MEOX2: variants seen among roughly 807,000 people sequenced by gnomAD.
MEOX2 encodes homeobox protein MOX-2.
A neutral mutation model predicts 27.0 loss-of-function variants in MEOX2; 11 were observed. That is an observed-to-expected ratio of 0.41 (90% confidence interval 0.26 to 0.68). The LOEUF (loss-of-function observed/expected upper bound fraction) is 0.68, where lower values mean the gene tolerates loss of function less well. MEOX2 is among the 30% of genes least tolerant of loss of function. The probability of loss-of-function intolerance (pLI) is 0.33; values close to 1 mark genes in which losing one functional copy is unlikely to be tolerated. For synonymous variants in MEOX2, 189 were observed against 155.4 expected (o/e 1.22, Z -1.61); for missense variants, 436 against 385.4 (o/e 1.13, Z -1.10).
chr7:15,685,569 A>C (rs766850316), intron 1 of MEOX2, among the ~76,000 whole-genome samples: 27 of 152,066 alleles, frequency 1.8e-4, no homozygotes, highest in Non-Finnish European at 3.4e-4. Flanking sequence ...CTCCCTCCCC[A>C]GCGCTGGGAT....
At chr7:15,623,934 A>T (rs977575210) in intron 2 of MEOX2, among the ~76,000 whole-genome samples, 1 of 152,250 alleles carries the variant, frequency 6.6e-6, no homozygotes, top group African/African-American at 2.4e-5. Flanking sequence ...TATTTGTGTT[A>T]CAAAATGATT....
At position 15,639,483 on chromosome 7, in the gene MEOX2, T is replaced by A. The variant is rs934733503; in HGVS notation, c.518-12565A>T. 3.3e-5 allele frequency among the ~76,000 whole-genome samples: 5 copies of A among 152,210 alleles called. No homozygotes were observed. The South Asian group carries it at 1.0e-3, about 32-fold the overall frequency. ...GCTGTGCAGAAGCTCTTTAGTTTAA[T>A]AAGTCCCATTTGTCTGCTTTTGTTT... On this transcript the variant is annotated intron_variant, in intron 1 of 2. Transcript: ENST00000262041.
chr7:15,630,213 T>A (rs963234276), intron 1 of MEOX2, among the ~76,000 whole-genome samples: 3 of 152,078 alleles, frequency 2.0e-5, no homozygotes, highest in Non-Finnish European at 4.4e-5. Context: ...TTCCCTAACC[T>A]TTTGCTCCCT....
At chr7:15,665,050 C>G (rs1468308587) in intron 1 of MEOX2, among the ~76,000 whole-genome samples, 2 of 94,636 alleles carry the variant, frequency 2.1e-5, no homozygotes, top group African/African-American at 5.9e-5. Context: ...ATCACACACA[C>G]ACACACACAC....
In MEOX2 at chr7:15,639,699, G is replaced by T. The variant is rs1007884262; in HGVS notation, c.518-12781C>A. 7.0e-4 allele frequency among the ~76,000 whole-genome samples: 106 copies of T among 151,866 alleles called. 1 individual carries two copies. Among genetic ancestry groups the T allele is most frequent in the African/African-American group, 2.3e-3 (96 of 41,364 alleles). On this transcript the variant is annotated intron_variant, in intron 1 of 2. Coordinates refer to ENST00000262041, the MANE Select transcript of MEOX2 (RefSeq NM_005924.5). ...CTGCATGTAGCTAGCCAGTTTTCCCGGAACCATTTATTAAAAACGGTGTCT... is the reference window on the plus strand; with the variant it reads ...CTGCATGTAGCTAGCCAGTTTTCCCTGAACCATTTATTAAAAACGGTGTCT...
intron 1 of MEOX2, among the ~76,000 whole-genome samples, chr7:15,666,563 G>A (rs1444558369): frequency 4.6e-5 from 7 of 150,996 alleles, no homozygotes; most frequent in African/African-American, 1.5e-4. Flanking sequence ...ACCAGCCTGG[G>A]CAACACGGTG....
rs766111487 is a variant in MEOX2, at chr7:15,686,416, C to T, written c.-14G>A. 4 of 1,556,636 alleles carry T rather than the reference C, an allele frequency of 2.6e-6. No individual in the cohort carries two copies. Among genetic ancestry groups the T allele is most frequent in the Middle Eastern group, 1.7e-4 (1 of 5,978 alleles). On this transcript the variant is annotated 5_prime_UTR_variant, in exon 1 of 3. Transcript: ENST00000262041. ...CGGGTGTTCCATAGCATGCAAGTTTCGGGTTCCAGGCAGAAGACTTCACGG... is the reference window on the plus strand; with the variant it reads ...CGGGTGTTCCATAGCATGCAAGTTTTGGGTTCCAGGCAGAAGACTTCACGG...
At chr7:15,672,167 A>C (rs1394192795) in intron 1 of MEOX2, among the ~76,000 whole-genome samples, 1 of 152,182 alleles carries the variant, frequency 6.6e-6, no homozygotes, top group African/African-American at 2.4e-5. Context: ...TTATTTTCAA[A>C]TCACCAACTA....
At chr7:15,643,041 A>G (rs1232280979) in intron 1 of MEOX2, among the ~76,000 whole-genome samples, 1 of 152,152 alleles carries the variant, frequency 6.6e-6, no homozygotes, top group African/African-American at 2.4e-5. Flanking sequence ...AGTTCTGTCA[A>G]CAATTATATT....
intron 1 of MEOX2, among the ~76,000 whole-genome samples, chr7:15,665,167 C>A (rs886891009): frequency 3.3e-5 from 5 of 151,622 alleles, no homozygotes; most frequent in Admixed American, 6.6e-5. Flanking sequence ...TTTTGGCAAA[C>A]CAGAGCCATG....
intron 1 of MEOX2, among the ~76,000 whole-genome samples, chr7:15,630,638 T>A (rs2115363208): frequency 6.6e-6 from 1 of 152,166 alleles, no homozygotes; most frequent in South Asian, 2.1e-4. Flanking sequence ...TTGCTGTAAC[T>A]TTTGTATCAA....
At chr7:15,616,443 A>AC (rs1781124487) in intron 2 of MEOX2, among the ~76,000 whole-genome samples, 2 of 151,658 alleles carry the variant, frequency 1.3e-5, no homozygotes, top group Non-Finnish European at 3.0e-5. Context: ...GGTATTAGCA[A>AC]TCCCCCCAAC....
intron 1 of MEOX2, among the ~76,000 whole-genome samples, chr7:15,671,740 A>AT (rs1374365091): frequency 6.6e-6 from 1 of 152,066 alleles, no homozygotes; most frequent in Non-Finnish European, 1.5e-5. Context: ...CATAAAGGAG[A>AT]TTTTTCATTT....
intron 1 of MEOX2, among the ~76,000 whole-genome samples, chr7:15,628,402 C>CTTGGCAA (rs1781348971): frequency 6.6e-6 from 1 of 151,880 alleles, no homozygotes; most frequent in African/African-American, 2.4e-5. Context: ...TGCCTCAACA[C>CTTGGCAA]CTTGGCACAC....
At chr7:15,639,644 A>G (rs919419475) in intron 1 of MEOX2, among the ~76,000 whole-genome samples, 1 of 151,990 alleles carries the variant, frequency 6.6e-6, no homozygotes, top group East Asian at 1.9e-4. Context: ...TTTTGTATAT[A>G]GTGAGAGATA....
intron 1 of MEOX2, chr7:15,680,498 G>T (rs1782275915): frequency 6.6e-6 from 1 of 151,870 alleles, no homozygotes; most frequent in Non-Finnish European, 1.5e-5. Context: ...TTTCTCCAAT[G>T]GGATTTTGAA....
At chr7:15,623,879 A>G (rs1021838096) in intron 2 of MEOX2, among the ~76,000 whole-genome samples, 1 of 152,224 alleles carries the variant, frequency 6.6e-6, no homozygotes, top group Non-Finnish European at 1.5e-5. Context: ...TCTAACAGGT[A>G]TTTCTTTAGC....
intron 2 of MEOX2, among the ~76,000 whole-genome samples, chr7:15,615,755 T>C (rs935386473): frequency 6.6e-6 from 1 of 152,070 alleles, no homozygotes; most frequent in African/African-American, 2.4e-5. Flanking sequence ...AGGGATATTT[T>C]CTCATGGACA....
chr7:15,618,881 T>C (rs1020748776), intron 2 of MEOX2, among the ~76,000 whole-genome samples: 14 of 151,958 alleles, frequency 9.2e-5, no homozygotes, highest in African/African-American at 3.4e-4. Flanking sequence ...TCAATAATTT[T>C]AATAACTTCA....
Sources: gnomAD v4.1 joint callset for allele counts (sites outside exome capture counted in the v4.1 genomes callset) on GRCh38, gnomAD v4.1.1 for gene constraint, MANE v1.5 for transcripts, NCBI Gene and HGNC (gene_info 2026-07-23, HGNC 2026-07-21) for gene names.